CALN1: variants seen among roughly 807,000 people sequenced by gnomAD.
The protein encoded by CALN1 is calneuron 1.
A neutral mutation model predicts 30.6 loss-of-function variants in CALN1; 17 were observed. That is an observed-to-expected ratio of 0.56 (90% confidence interval 0.38 to 0.83). CALN1 has a LOEUF of 0.83. Among genes scored for constraint, CALN1 ranks in the 40% least tolerant of loss-of-function variants. The pLI is 0.00. For synonymous variants in CALN1, 156 were observed against 131.4 expected, an observed-to-expected ratio of 1.19 and a Z score of -1.28; for missense variants, 291 against 354.9, an observed-to-expected ratio of 0.82 and a Z score of 1.45.
At chr7:71,946,823 C>T (rs368616854) in intron 5 of CALN1, among the ~76,000 whole-genome samples, 2 of 151,948 alleles carry the variant, frequency 1.3e-5, no homozygotes, top group African/African-American at 2.4e-5. Flanking sequence ...AATTCGGTGC[C>T]GTGAGTGATG....
intron 5 of CALN1, among the ~76,000 whole-genome samples, chr7:71,928,731 C>T (rs77987784): frequency 0.05 from 7,621 of 152,108 alleles, 348 homozygotes; most frequent in East Asian, 0.14. Context: ...CTTTTATCGC[C>T]GCAAAAAGAA....
chr7:72,500,339 G>C, the CALN1 span, among the ~76,000 whole-genome samples: 34 of 124,340 alleles, frequency 2.7e-4, no homozygotes, highest in African/African-American at 1.0e-3. Context: ...GGAGTGCAGT[G>C]TCGCGATCTC....
intron 3 of CALN1, among the ~76,000 whole-genome samples, chr7:72,267,595 G>A (rs751216071): frequency 6.6e-6 from 1 of 152,232 alleles, no homozygotes; most frequent in African/African-American, 2.4e-5. Flanking sequence ...AAAGTGAATG[G>A]CATGGGCTGT....
chr7:72,169,023 C>A (rs1585081837), intron 3 of CALN1, among the ~76,000 whole-genome samples: 1 of 152,026 alleles, frequency 6.6e-6, no homozygotes, highest in East Asian at 1.9e-4. Flanking sequence ...CCAGGCTGGT[C>A]TCGAACTCCT....
chr7:71,920,005 G>A lies in CALN1; in HGVS notation c.501+103652C>T, dbSNP rs567888482. On this transcript the variant is annotated intron_variant, in intron 5 of 6. Coordinates refer to ENST00000395275, the MANE Select transcript of CALN1 (RefSeq NM_031468.4). ...TCTGTGGTCATAAAATGTCTGCAGA[G>A]TAAACACATGCTTTTCTCCTTCTTG... Among the ~76,000 whole-genome samples the A allele has an allele frequency of 2.6e-5, 4 of 152,342 alleles. No homozygotes were observed. The South Asian group carries it at 8.3e-4, about 32-fold the overall frequency.
intron 5 of CALN1, among the ~76,000 whole-genome samples, chr7:72,014,623 T>A (rs528407165): frequency 7.2e-5 from 11 of 152,334 alleles, no homozygotes; most frequent in Non-Finnish European, 1.3e-4. Flanking sequence ...CTGTGTTTTA[T>A]TCTACAAATT....
chr7:72,385,112 CAT>C (rs1805135385), intron 2 of CALN1, among the ~76,000 whole-genome samples: 1 of 152,178 alleles, frequency 6.6e-6, no homozygotes, highest in Non-Finnish European at 1.5e-5. Context: ...CCACTACACA[CAT>C]ATTAGAATGA....
chr7:72,103,761 A>AG (rs933580010), intron 4 of CALN1, among the ~76,000 whole-genome samples: 65 of 149,510 alleles, frequency 4.3e-4, no homozygotes, highest in African/African-American at 4.9e-4. Flanking sequence ...ATGGAAATGG[A>AG]GGGGGGGGGA....
chr7:72,181,717 C>A (rs1227389214), intron 3 of CALN1, among the ~76,000 whole-genome samples: 1 of 152,090 alleles, frequency 6.6e-6, no homozygotes, highest in Non-Finnish European at 1.5e-5. Context: ...CCTCGTGATC[C>A]GTCCATCTTG....
At chr7:72,222,056 T>C (rs1352994836) in intron 3 of CALN1, among the ~76,000 whole-genome samples, 1 of 152,012 alleles carries the variant, frequency 6.6e-6, no homozygotes, top group Non-Finnish European at 1.5e-5. Flanking sequence ...TGAAACCCTG[T>C]CTCTACTAAA....
intron 3 of CALN1, among the ~76,000 whole-genome samples, chr7:72,205,102 G>A (rs896490960): frequency 2.0e-5 from 3 of 151,880 alleles, no homozygotes; most frequent in Middle Eastern, 3.2e-3. Context: ...AAAAGTTGGG[G>A]ATTCTTCTCT....
At chr7:72,130,919 G>A (rs1055175129) in intron 3 of CALN1, among the ~76,000 whole-genome samples, 2 of 152,100 alleles carry the variant, frequency 1.3e-5, no homozygotes, top group African/African-American at 4.8e-5. Context: ...CAAAAATCAG[G>A]AAATGACTTA....
chr7:72,470,046 G>C, the CALN1 span, among the ~76,000 whole-genome samples: 1 of 152,126 alleles, frequency 6.6e-6, no homozygotes, highest in Non-Finnish European at 1.5e-5. Flanking sequence ...GCAGTGAAAA[G>C]AACATAGGCA....
intron 2 of CALN1, among the ~76,000 whole-genome samples, chr7:72,346,987 G>T (rs1802677836): frequency 6.6e-6 from 1 of 152,110 alleles, no homozygotes; most frequent in Non-Finnish European, 1.5e-5. Context: ...AAGGAAAAGT[G>T]GGAATAGAGA....
intron 5 of CALN1, among the ~76,000 whole-genome samples, chr7:71,977,997 T>C (rs1798185404): frequency 6.8e-6 from 1 of 147,480 alleles, no homozygotes; most frequent in Admixed American, 6.8e-5. Flanking sequence ...GCCCACCAGC[T>C]CCTGAAGCAA....
chr7:72,256,520 A>T (rs1035843779), intron 3 of CALN1, among the ~76,000 whole-genome samples: 6 of 152,158 alleles, frequency 3.9e-5, no homozygotes, highest in African/African-American at 1.4e-4. Flanking sequence ...AAGATGACCA[A>T]AATTCTGGAT....
chr7:71,940,025 C>T (rs4719196), intron 5 of CALN1, among the ~76,000 whole-genome samples: 72,354 of 151,574 alleles, frequency 0.48, 17,671 homozygotes, highest in East Asian at 0.73. Flanking sequence ...AAACTGTGTC[C>T]CCTCCTAAAC....
At chr7:71,831,660 C>T (rs907739191) in intron 5 of CALN1, among the ~76,000 whole-genome samples, 2 of 151,092 alleles carry the variant, frequency 1.3e-5, no homozygotes, top group Admixed American at 6.6e-5. Context: ...AGGAGGTGGG[C>T]GGATCACTTG....
At chr7:72,096,887 T>C (rs944788920) in intron 4 of CALN1, among the ~76,000 whole-genome samples, 9 of 152,130 alleles carry the variant, frequency 5.9e-5, no homozygotes, top group African/African-American at 2.2e-4. Flanking sequence ...CTATTCACAA[T>C]AGCAAAGACC....
Sources: gnomAD v4.1 joint callset for allele counts (sites outside exome capture counted in the v4.1 genomes callset) on GRCh38, gnomAD v4.1.1 for gene constraint, MANE v1.5 for transcripts, NCBI Gene and HGNC (gene_info 2026-07-23, HGNC 2026-07-21) for gene names.